The following SEPTIN9 variants were observed in gnomAD, a reference collection of about 807,000 sequenced individuals.
SEPTIN9 encodes septin-9.
SEPTIN9 carries 13 observed loss-of-function variants against 56.6 expected under a neutral mutation model. The ratio of observed to expected loss-of-function variants is 0.23; its 90% CI spans 0.15 to 0.37. The LOEUF (loss-of-function observed/expected upper bound fraction) is 0.37, where lower values mean the gene tolerates loss of function less well. Among genes scored for constraint, SEPTIN9 ranks in the 10% least tolerant of loss-of-function variants. The pLI, the probability that SEPTIN9 is intolerant of heterozygous loss-of-function variation, is 1.00. For missense variants in SEPTIN9, 650 were observed against 823.1 expected, an observed-to-expected ratio of 0.79 and a Z score of 2.57; for synonymous variants, 332 against 334.1, an observed-to-expected ratio of 0.99 and a Z score of 0.07.
intron 1 of SEPTIN9, among the ~76,000 whole-genome samples, chr17:77,295,074 C>T (rs955150150): frequency 1.3e-5 from 2 of 152,204 alleles, no homozygotes; most frequent in Non-Finnish European, 2.9e-5. Flanking sequence ...TGGCAGCAAG[C>T]CTCCGTTTCC....
rs1568077199 is a variant in SEPTIN9 at position 77,449,159 on chromosome 17, G to A, written c.722-32985G>A. ...TGGCCCATGTGCCGTTTCTGCTGGA[G>A]GGTTGGACCGAGGGCCAGCCGAGAA... On this transcript the variant is annotated intron_variant, in intron 3 of 11. Coordinates refer to ENST00000427177, the MANE Select transcript of SEPTIN9 (RefSeq NM_001113491.2). This position sits in a 1 kb window ranked among gnomAD's most constrained non-coding sequence, Gnocchi z 4.6. Among the ~76,000 whole-genome samples, 6 of 152,262 alleles carry A rather than the reference G, an allele frequency of 3.9e-5. No individual in the cohort carries two copies. In the East Asian group the frequency reaches 1.2e-3, roughly 29 times the overall value.
At chr17:77,373,516 A>C in intron 2 of SEPTIN9, 10 of 1,542,222 alleles carry the variant, frequency 6.5e-6, no homozygotes, top group Non-Finnish European at 8.7e-6. Flanking sequence ...CCCCGCGGTC[A>C]ACGCGCAGCT....
At chr17:77,304,867 G>A (rs962170707) in intron 1 of SEPTIN9, among the ~76,000 whole-genome samples, 3 of 152,174 alleles carry the variant, frequency 2.0e-5, no homozygotes, top group Non-Finnish European at 4.4e-5. Context: ...TGTGAAGGGG[G>A]TGCTCATGGC....
At chr17:77,390,445 C>T (rs1229656747) in intron 2 of SEPTIN9, among the ~76,000 whole-genome samples, 1 of 139,078 alleles carries the variant, frequency 7.2e-6, no homozygotes, top group African/African-American at 2.7e-5. Flanking sequence ...AAAAACTGCA[C>T]ATTTCGCTTT....
rs72887165 is a variant in SEPTIN9, at chr17:77,466,108, G to A, written c.722-16036G>A. Among the ~76,000 whole-genome samples, 25 of 129,414 alleles carry A rather than the reference G, an allele frequency of 1.9e-4. 1 individual carries two copies. The South Asian group carries it at 5.0e-3, about 26-fold the overall frequency. The allele number at this position is 129,414 out of a possible 152,430, so 84.9% of individuals were successfully genotyped here. A position where few individuals can be genotyped will look rare whatever the true frequency, so the allele number is the denominator to read the frequency against. On this transcript the variant is annotated intron_variant, in intron 3 of 11. Transcript: ENST00000427177. ...CACACACACACACACACACACACAC[G>A]AGTAAACTGTAACACAAATGTGTGC... is the stretch of plus-strand genomic sequence containing the variant.
intron 1 of SEPTIN9, among the ~76,000 whole-genome samples, chr17:77,284,621 T>C (rs1186293984): frequency 6.6e-6 from 1 of 152,180 alleles, no homozygotes; most frequent in Non-Finnish European, 1.5e-5. Flanking sequence ...TGTGGTGTTT[T>C]TTAATTTTAT....
intron 2 of SEPTIN9, among the ~76,000 whole-genome samples, chr17:77,392,263 C>G (rs2035566097): frequency 6.6e-6 from 1 of 152,140 alleles, no homozygotes; most frequent in Non-Finnish European, 1.5e-5. Context: ...CCAGGGTTGC[C>G]AGAGGCAGAG....
Position 77,376,065 on chromosome 17 carries a change from C to T in SEPTIN9, c.77-25994C>T, listed in dbSNP as rs537593209. Reference sequence around the variant, plus strand: ...GAATCAGGGTAGAGAAAAGTCACCACTAGCTAGCAGGGGAGAAGTCAGTAT... The same window carrying T: ...GAATCAGGGTAGAGAAAAGTCACCATTAGCTAGCAGGGGAGAAGTCAGTAT... On this transcript the variant is annotated intron_variant, in intron 2 of 11. Coordinates refer to ENST00000427177, the MANE Select transcript of SEPTIN9 (RefSeq NM_001113491.2). The T allele has an allele frequency of 1.4e-5, 14 of 985,578 alleles. No homozygotes were observed. The African/African-American group carries it at 1.7e-4, about 12-fold the overall frequency. The allele number at this position is 985,578 out of a possible 1,614,324, so 61.1% of individuals were successfully genotyped here. A position where few individuals can be genotyped will look rare whatever the true frequency, so the allele number is the denominator to read the frequency against.
At chr17:77,459,830 C>T (rs968917311) in intron 3 of SEPTIN9, among the ~76,000 whole-genome samples, 2 of 152,112 alleles carry the variant, frequency 1.3e-5, no homozygotes, top group Admixed American at 6.5e-5. Context: ...CGCATGCCAC[C>T]GCGCCCGGCT....
Position 77,500,388 on chromosome 17 carries a change from G to A in SEPTIN9, c.*1730G>A. ...CTCAATGTCACTTGGTGGCGGGGTG[G>A]GGTGGGGGTGGGCAGCAGCATCCCA... On this transcript the variant is annotated 3_prime_UTR_variant, in exon 12 of 12. Coordinates refer to ENST00000427177, the MANE Select transcript of SEPTIN9 (RefSeq NM_001113491.2). 1 of 208,368 alleles carries A rather than the reference G, an allele frequency of 4.8e-6. No homozygotes were observed. Among genetic ancestry groups the A allele is most frequent in the Non-Finnish European group, 9.9e-6 (1 of 101,252 alleles). The allele number at this position is 208,368 out of a possible 1,614,324, so 12.9% of individuals were successfully genotyped here.
At position 77,433,816 on chromosome 17, in the gene SEPTIN9, A is replaced by G. The variant is rs1023739838; in HGVS notation, c.721+31113A>G. The stretch of plus-strand genomic sequence containing the variant: ...GGGTATCCCCTGCGCCCCCCGCCCC[A>G]GGCACTTGATGTTGCCTGTTCATTT... On this transcript the variant is annotated intron_variant, in intron 3 of 11. Coordinates refer to ENST00000427177, the MANE Select transcript of SEPTIN9 (RefSeq NM_001113491.2). The surrounding 1 kb of genome is among the most constrained non-coding windows in gnomAD (Gnocchi z 6.4). Among the ~76,000 whole-genome samples the G allele has an allele frequency of 6.6e-6, 1 of 150,996 alleles. No individual in the cohort carries two copies. Among genetic ancestry groups the G allele is most frequent in the Non-Finnish European group, 1.5e-5 (1 of 67,710 alleles).
chr17:77,281,735 C>T (rs944105456), intron 1 of SEPTIN9, 181 bp downstream of exon 1: 1 of 561,594 alleles, frequency 1.8e-6, no homozygotes, highest in Non-Finnish European at 3.0e-6. Context: ...CGACCTGAGC[C>T]GACCGTCCCC....
intron 10 of SEPTIN9, 119 bp downstream of exon 10, chr17:77,493,195 C>A: frequency 1.3e-6 from 1 of 755,002 alleles, no homozygotes; most frequent in Non-Finnish European, 2.2e-6. Context: ...CTGCCTTGCC[C>A]CACCCAGAGG....
intron 3 of SEPTIN9, among the ~76,000 whole-genome samples, chr17:77,452,410 C>T (rs2038017452): frequency 6.6e-6 from 1 of 152,222 alleles, no homozygotes; most frequent in African/African-American, 2.4e-5. Flanking sequence ...GGGACTGACT[C>T]AGCCTCCAGC....
chr17:77,415,915 G>A (rs775802022), intron 3 of SEPTIN9, among the ~76,000 whole-genome samples: 150 of 152,376 alleles, frequency 9.8e-4, no homozygotes, highest in Middle Eastern at 3.4e-3. Context: ...CTGGGGCAAG[G>A]TGTGTCAGGC....
intron 2 of SEPTIN9, among the ~76,000 whole-genome samples, chr17:77,309,505 G>A (rs901161466): frequency 2.0e-5 from 3 of 151,942 alleles, no homozygotes; most frequent in Admixed American, 6.6e-5. Flanking sequence ...CAGCATCTCC[G>A]GCCTCCCCAT....
At chr17:77,298,401 A>G (rs888783363) in intron 1 of SEPTIN9, among the ~76,000 whole-genome samples, 9 of 152,168 alleles carry the variant, frequency 5.9e-5, no homozygotes, top group Admixed American at 3.3e-4. Context: ...GGACACTTTC[A>G]TCTCAGCAGA....
chr17:77,494,645 T>C (rs1027119810), intron 10 of SEPTIN9, among the ~76,000 whole-genome samples: 2 of 152,258 alleles, frequency 1.3e-5, no homozygotes, highest in African/African-American at 4.8e-5. Flanking sequence ...TGGCTAGACA[T>C]GGGTTATCTC....
intron 2 of SEPTIN9, among the ~76,000 whole-genome samples, chr17:77,368,233 T>C (rs1296417954): frequency 3.9e-5 from 6 of 152,204 alleles, no homozygotes; most frequent in African/African-American, 1.4e-4. Context: ...TGGATGGTGT[T>C]GATGGGTGTA....
Sources: gnomAD v4.1 joint callset for allele counts (sites outside exome capture counted in the v4.1 genomes callset) on GRCh38, gnomAD v4.1.1 for gene constraint, Gnocchi (gnomAD v3.1) non-coding constraint, MANE v1.5 for transcripts, NCBI Gene and HGNC (gene_info 2026-07-23, HGNC 2026-07-21) for gene names.